Variants in GRID2 observed in about 807,000 individuals in gnomAD.
GRID2 encodes glutamate ionotropic receptor delta type subunit 2.
In GRID2, 33 loss-of-function variants were observed where a neutral mutation model predicts 114.8. The ratio of observed to expected loss-of-function variants is 0.29; its 90% CI spans 0.22 to 0.38. The LOEUF (loss-of-function observed/expected upper bound fraction) is 0.38. Ranked by LOEUF, GRID2 falls within the 10% of genes least tolerant of loss-of-function variation. GRID2 has a pLI of 1.00. For missense variants in GRID2, 1,184 were observed against 1,257.7 expected, an observed-to-expected ratio of 0.94 and a Z score of 0.89; for synonymous variants, 505 against 449.9, an observed-to-expected ratio of 1.12 and a Z score of -1.55.
At chr4:92,389,287 A>T (rs766344016) in intron 1 of GRID2, among the ~76,000 whole-genome samples, 1 of 152,082 alleles carries the variant, frequency 6.6e-6, no homozygotes, top group Non-Finnish European at 1.5e-5. Context: ...CATAGCAGAG[A>T]TGTGGAAAGG....
intron 2 of GRID2, among the ~76,000 whole-genome samples, chr4:92,670,731 T>C (rs775435610): frequency 5.3e-5 from 8 of 152,106 alleles, no homozygotes; most frequent in African/African-American, 1.9e-4. Context: ...CTTAATTGTT[T>C]GACTTGCATA....
chr4:93,797,196 G>A (rs1482885844), intron 1 of GRID2, among the ~76,000 whole-genome samples: 2 of 152,282 alleles, frequency 1.3e-5, no homozygotes, highest in East Asian at 1.9e-4. Context: ...TGACCAAAAT[G>A]TCATTATGTG....
At chr4:92,786,763 C>T (rs1739341416) in intron 2 of GRID2, among the ~76,000 whole-genome samples, 1 of 151,854 alleles carries the variant, frequency 6.6e-6, no homozygotes, top group Non-Finnish European at 1.5e-5. Flanking sequence ...AGAATATTCT[C>T]ATGTATTTTT....
rs1258587253 is a variant in GRID2 at position 93,766,849 on chromosome 4, T to G, written c.2361-2361T>G. 2.6e-5 allele frequency among the ~76,000 whole-genome samples: 4 copies of G among 152,334 alleles called. No individual in the cohort carries two copies. In the South Asian group the frequency reaches 8.3e-4, roughly 32 times the overall value. ...GGTGCTATTCTATGAAAATTTTTAA[T>G]GTACAATACAGTATTGCTAACTATA... is the stretch of plus-strand genomic sequence containing the variant. On this transcript the variant is annotated intron_variant, in intron 14 of 15. Coordinates refer to ENST00000282020, the MANE Select transcript of GRID2 (RefSeq NM_001510.4).
At chr4:93,326,419 T>C (rs1302828356) in intron 8 of GRID2, among the ~76,000 whole-genome samples, 2 of 152,006 alleles carry the variant, frequency 1.3e-5, no homozygotes, top group African/African-American at 4.8e-5. Context: ...ACAGGAAGAG[T>C]GCTTCATTTC....
At chr4:93,538,812 T>C (rs1309861822) in intron 13 of GRID2, among the ~76,000 whole-genome samples, 1 of 151,508 alleles carries the variant, frequency 6.6e-6, no homozygotes, top group East Asian at 1.9e-4. Flanking sequence ...ACTGTCACAG[T>C]CCAGAGGAAA....
chr4:92,842,635 A>AT lies in GRID2; in HGVS notation c.245-242354dup, dbSNP rs532183141. ...AGCTTGGCAGGTGCTGAGAAATAGT[A>AT]TTTTTTCTCCTTGCCTAGAAGAGCC... On this transcript the variant is annotated intron_variant, in intron 2 of 15. Coordinates refer to ENST00000282020, the MANE Select transcript of GRID2 (RefSeq NM_001510.4). Among the ~76,000 whole-genome samples the AT allele has an allele frequency of 2.8e-3, 422 of 152,158 alleles. 2 individuals carry two copies. The highest frequency in any genetic ancestry group is 9.7e-3 in the African/African-American group (402 of 41,532).
At chr4:92,367,569 C>A (rs1338145822) in intron 1 of GRID2, among the ~76,000 whole-genome samples, 1 of 151,904 alleles carries the variant, frequency 6.6e-6, no homozygotes, top group Non-Finnish European at 1.5e-5. Context: ...GACTAAAACA[C>A]CAGTCTGGCA....
At chr4:92,529,261 G>A (rs551409198) in intron 1 of GRID2, among the ~76,000 whole-genome samples, 2 of 151,914 alleles carry the variant, frequency 1.3e-5, no homozygotes, top group African/African-American at 2.4e-5. Flanking sequence ...TTTTTGAAGC[G>A]CTTACAATGT....
intron 2 of GRID2, among the ~76,000 whole-genome samples, chr4:92,656,599 A>T (rs1406582447): frequency 6.6e-6 from 1 of 151,810 alleles, no homozygotes; most frequent in Admixed American, 6.6e-5. Flanking sequence ...AAAACTTTAA[A>T]ATCATCACAA....
At chr4:92,808,920 A>G (rs1325667146) in intron 2 of GRID2, among the ~76,000 whole-genome samples, 1 of 151,978 alleles carries the variant, frequency 6.6e-6, no homozygotes, top group Non-Finnish European at 1.5e-5. Flanking sequence ...CAGTCACTCA[A>G]AGGATATCCT....
chr4:93,117,445 G>GT (rs539357515), intron 4 of GRID2, among the ~76,000 whole-genome samples: 3 of 151,858 alleles, frequency 2.0e-5, no homozygotes, highest in Admixed American at 6.6e-5. Context: ...AACTGATTTT[G>GT]TTTTTTGCAA....
intron 2 of GRID2, among the ~76,000 whole-genome samples, chr4:92,919,271 T>C (rs1168416336): frequency 1.3e-5 from 2 of 152,196 alleles, no homozygotes; most frequent in Non-Finnish European, 2.9e-5. Context: ...GGTAGCTGTC[T>C]ATCAATTTTG....
intron 13 of GRID2, among the ~76,000 whole-genome samples, chr4:93,596,193 T>G (rs2149628969): frequency 6.6e-6 from 1 of 152,322 alleles, no homozygotes; most frequent in East Asian, 1.9e-4. Flanking sequence ...TCTAGAAATA[T>G]TGCAATTGTA....
chr4:92,307,554 G>A (rs866616865), intron 1 of GRID2, among the ~76,000 whole-genome samples: 3 of 151,822 alleles, frequency 2.0e-5, no homozygotes, highest in African/African-American at 4.8e-5. Context: ...ACCTCATGCC[G>A]GTAGTTTAAT....
intron 2 of GRID2, among the ~76,000 whole-genome samples, chr4:92,964,277 TC>T (rs1752997707): frequency 6.6e-6 from 1 of 152,010 alleles, no homozygotes; most frequent in Admixed American, 6.6e-5. Flanking sequence ...GCTATGAAAG[TC>T]CCAGGGGGCA....
chr4:92,836,755 A>G (rs955836119), intron 2 of GRID2, among the ~76,000 whole-genome samples: 1 of 152,128 alleles, frequency 6.6e-6, no homozygotes, highest in Non-Finnish European at 1.5e-5. Context: ...TTAATTTAAA[A>G]TAGACCATAT....
At chr4:93,062,673 G>A (rs1727912062) in intron 2 of GRID2, among the ~76,000 whole-genome samples, 1 of 151,986 alleles carries the variant, frequency 6.6e-6, no homozygotes, top group Non-Finnish European at 1.5e-5. Flanking sequence ...GCTAAAAAGA[G>A]AGATCATTTC....
intron 14 of GRID2, among the ~76,000 whole-genome samples, chr4:93,729,752 G>A (rs184650066): frequency 2.6e-5 from 4 of 152,188 alleles, no homozygotes; most frequent in Non-Finnish European, 4.4e-5. Flanking sequence ...ATAGGCATGA[G>A]CCACCATGCC....
Sources: gnomAD v4.1 joint callset for allele counts (sites outside exome capture counted in the v4.1 genomes callset) on GRCh38, gnomAD v4.1.1 for gene constraint, MANE v1.5 for transcripts, NCBI Gene and HGNC (gene_info 2026-07-23, HGNC 2026-07-21) for gene names.